NAV2: variants seen among roughly 807,000 people sequenced by gnomAD.
NAV2 encodes the protein neuron navigator 2.
Under a neutral mutation model 223.2 loss-of-function variants are expected in NAV2, and 54 were observed. The observed-to-expected ratio is 0.24, with a 90% CI of 0.19 to 0.30. The LOEUF is 0.30. NAV2 is among the 10% of genes least tolerant of loss of function. NAV2 has a pLI of 1.00. For synonymous variants in NAV2, 1,279 were observed against 1,239.3 expected, an observed-to-expected ratio of 1.03 and a Z score of -0.67; for missense variants, 2,806 against 3,147.5, an observed-to-expected ratio of 0.89 and a Z score of 2.60.
chr11:19,487,478 A>T (rs1159244112), intron 1 of NAV2, among the ~76,000 whole-genome samples: 1 of 152,168 alleles, frequency 6.6e-6, no homozygotes, highest in Non-Finnish European at 1.5e-5. Context: ...ATGATGAAGA[A>T]CATGGTGACA....
intron 10 of NAV2, among the ~76,000 whole-genome samples, chr11:19,983,460 G>A (rs1048359122): frequency 1.3e-5 from 2 of 152,192 alleles, no homozygotes; most frequent in Non-Finnish European, 2.9e-5. Flanking sequence ...CCTCATGATC[G>A]TGACAACCGT....
intron 36 of NAV2, among the ~76,000 whole-genome samples, chr11:20,108,788 G>A (rs1449399555): frequency 6.6e-6 from 1 of 152,130 alleles, no homozygotes; most frequent in Admixed American, 6.5e-5. Context: ...ACTTGACCCA[G>A]GGTTTAACTG....
At chr11:19,505,572 G>A (rs990581024) in intron 1 of NAV2, 2 of 152,224 alleles carry the variant, frequency 1.3e-5, no homozygotes, top group African/African-American at 2.4e-5. Flanking sequence ...CAGATGGAGT[G>A]GGGAGAGAGA....
At chr11:19,776,459 T>G (rs2056165745) in intron 1 of NAV2, among the ~76,000 whole-genome samples, 2 of 152,148 alleles carry the variant, frequency 1.3e-5, no homozygotes, top group African/African-American at 4.8e-5. Flanking sequence ...CCAGAGGGCC[T>G]TGAATGGCCT....
chr11:20,003,909 T>C (rs547076761), intron 11 of NAV2, among the ~76,000 whole-genome samples: 1 of 152,350 alleles, frequency 6.6e-6, no homozygotes, highest in Non-Finnish European at 1.5e-5. Context: ...TTCTAGCTTC[T>C]GGTTTTGTTA....
At chr11:19,776,834 A>G (rs2056261898) in intron 1 of NAV2, among the ~76,000 whole-genome samples, 1 of 151,942 alleles carries the variant, frequency 6.6e-6, no homozygotes, top group Non-Finnish European at 1.5e-5. Context: ...TGTCTGAGCT[A>G]AGAACCCATG....
intron 1 of NAV2, among the ~76,000 whole-genome samples, chr11:19,653,803 C>A (rs2048040145): frequency 6.6e-6 from 1 of 152,142 alleles, no homozygotes; most frequent in African/African-American, 2.4e-5. Context: ...AAGTAATTTT[C>A]CCATGGTAAC....
intron 1 of NAV2, chr11:19,777,394 A>T: frequency 2.3e-6 from 1 of 438,482 alleles, no homozygotes; most frequent in Admixed American, 2.5e-5. Flanking sequence ...GCGCGCGGGC[A>T]GGTGCTTCGG....
intron 1 of NAV2, among the ~76,000 whole-genome samples, chr11:19,484,039 G>A (rs2042362041): frequency 6.6e-6 from 1 of 151,764 alleles, no homozygotes; most frequent in Admixed American, 6.6e-5. Context: ...GCTAATTAAA[G>A]TACTGCCTCT....
intron 6 of NAV2, among the ~76,000 whole-genome samples, chr11:19,916,044 T>C (rs1241164497): frequency 6.6e-6 from 1 of 152,210 alleles, no homozygotes; most frequent in Non-Finnish European, 1.5e-5. Flanking sequence ...ATCTACTTCA[T>C]AGGGTTATTG....
At chr11:19,648,939 G>A (rs897243170) in intron 1 of NAV2, among the ~76,000 whole-genome samples, 1 of 151,832 alleles carries the variant, frequency 6.6e-6, no homozygotes, top group Admixed American at 6.6e-5. Flanking sequence ...TGCTAATTAT[G>A]GACATTTTTA....
chr11:19,409,563 A>G (rs1390152618), intron 1 of NAV2, among the ~76,000 whole-genome samples: 1 of 152,156 alleles, frequency 6.6e-6, no homozygotes, highest in Admixed American at 6.5e-5. Flanking sequence ...GTCCTTTCTA[A>G]GTGGAATGGT....
At chr11:19,484,876 C>T (rs933183222) in intron 1 of NAV2, among the ~76,000 whole-genome samples, 32 of 152,218 alleles carry the variant, frequency 2.1e-4, no homozygotes, top group African/African-American at 7.7e-4. Context: ...CTGCCCCAGC[C>T]AGCACCCATC....
intron 6 of NAV2, among the ~76,000 whole-genome samples, chr11:19,905,524 A>G (rs957157491): frequency 1.3e-5 from 2 of 152,176 alleles, no homozygotes; most frequent in Non-Finnish European, 2.9e-5. Flanking sequence ...TAGGGAAGAA[A>G]CTGGGCCCTA....
chr11:19,638,952 C>G (rs1410908105), intron 1 of NAV2, among the ~76,000 whole-genome samples: 1 of 152,148 alleles, frequency 6.6e-6, no homozygotes, highest in East Asian at 1.9e-4. Context: ...GAGATCGTGC[C>G]ACTGCACTCC....
chr11:19,861,865 A>G (rs1465619677), intron 3 of NAV2, among the ~76,000 whole-genome samples: 2 of 152,206 alleles, frequency 1.3e-5, no homozygotes, highest in Non-Finnish European at 2.9e-5. Context: ...CCTTTCTGAC[A>G]CTAGTCACCA....
intron 3 of NAV2, among the ~76,000 whole-genome samples, chr11:19,850,085 C>T (rs1041074322): frequency 3.9e-5 from 6 of 152,132 alleles, no homozygotes; most frequent in African/African-American, 1.2e-4. Flanking sequence ...CCAAAGAGGC[C>T]GTGTATTTTC....
At chr11:19,478,731 TTC>T (rs2042195049) in intron 1 of NAV2, among the ~76,000 whole-genome samples, 1 of 152,336 alleles carries the variant, frequency 6.6e-6, no homozygotes, top group South Asian at 2.1e-4. Context: ...GCACGCACGC[TTC>T]TCAGCCCCAT....
chr11:19,823,475 T>G (rs2059487188), intron 1 of NAV2, among the ~76,000 whole-genome samples: 1 of 152,206 alleles, frequency 6.6e-6, no homozygotes, highest in South Asian at 2.1e-4. Context: ...CCCAAAGTGT[T>G]GGATTTACAG....
Sources: allele counts gnomAD v4.1 joint callset (sites outside exome capture counted in the v4.1 genomes callset), GRCh38; gene constraint gnomAD v4.1.1; transcripts MANE v1.5; gene names NCBI Gene and HGNC (gene_info 2026-07-23, HGNC 2026-07-21).